Variants in ADRA1B observed in about 807,000 individuals in gnomAD.
ADRA1B encodes adrenoceptor alpha 1B.
ADRA1B carries 17 observed loss-of-function variants against 17.9 expected under a neutral mutation model. The ratio of observed to expected loss-of-function variants is 0.95; its 90% CI spans 0.65 to 1.42. ADRA1B has a LOEUF of 1.42. Among genes scored for constraint, ADRA1B ranks in the 40% most tolerant of loss-of-function variants. The pLI, the probability that ADRA1B is intolerant of heterozygous loss-of-function variation, is 0.00. For missense variants in ADRA1B, 681 were observed against 722.1 expected (o/e 0.94, Z 0.65); for synonymous variants, 366 against 327.6 (o/e 1.12, Z -1.27).
At chr5:159,880,934 A>G (rs950979018) in intron 1 of ADRA1B, among the ~76,000 whole-genome samples, 2 of 152,224 alleles carry the variant, frequency 1.3e-5, no homozygotes, top group Non-Finnish European at 2.9e-5. Flanking sequence ...GAAGAGATAC[A>G]TGAGCTCTTT....
intron 1 of ADRA1B, chr5:159,868,701 A>G (rs2113064545): frequency 6.6e-6 from 1 of 152,326 alleles, no homozygotes; most frequent in East Asian, 1.9e-4. Context: ...CTGAAAGATC[A>G]TTTAGACCAA....
intron 1 of ADRA1B, among the ~76,000 whole-genome samples, chr5:159,951,834 A>G (rs146884107): frequency 6.6e-6 from 1 of 152,148 alleles, no homozygotes; most frequent in Non-Finnish European, 1.5e-5. Flanking sequence ...TATATTTTCC[A>G]TCCTTTGAAA....
At chr5:159,979,180 G>C in the ADRA1B span, among the ~76,000 whole-genome samples, 2 of 152,030 alleles carry the variant, frequency 1.3e-5, no homozygotes, top group African/African-American at 4.8e-5. Flanking sequence ...AATTAATTTA[G>C]AAAAACCTTA....
At chr5:159,865,191 T>A (rs577425087) in exon 1 of ADRA1B, 1 of 152,180 alleles carries the variant, frequency 6.6e-6, no homozygotes, top group Non-Finnish European at 1.5e-5. Flanking sequence ...CACTTTGGAA[T>A]GAAGGAGCAC....
chr5:159,984,875 A>G, the ADRA1B span, among the ~76,000 whole-genome samples: 1 of 151,332 alleles, frequency 6.6e-6, no homozygotes, highest in Non-Finnish European at 1.5e-5. Flanking sequence ...ACATCACTCC[A>G]GCCTAGGCAA....
intron 1 of ADRA1B, among the ~76,000 whole-genome samples, chr5:159,964,763 C>T (rs554278904): frequency 1.3e-5 from 2 of 152,304 alleles, no homozygotes; most frequent in South Asian, 4.1e-4. Context: ...GTCTCAATGC[C>T]CACACAGCAC....
At chr5:159,961,591 T>G (rs904818145) in intron 1 of ADRA1B, among the ~76,000 whole-genome samples, 2 of 152,224 alleles carry the variant, frequency 1.3e-5, no homozygotes, top group African/African-American at 4.8e-5. Flanking sequence ...CCAAATTGTT[T>G]CAGCTGAGGA....
intron 1 of ADRA1B, among the ~76,000 whole-genome samples, chr5:159,965,294 C>T (rs1005112733): frequency 1.3e-5 from 2 of 152,150 alleles, no homozygotes. Flanking sequence ...CAAGGAGCAT[C>T]AGGAACATTC....
intron 1 of ADRA1B, among the ~76,000 whole-genome samples, chr5:159,923,758 T>C (rs948355701): frequency 2.4e-4 from 37 of 152,254 alleles, no homozygotes; most frequent in African/African-American, 8.9e-4. Flanking sequence ...AAAGAATAGA[T>C]CCTTGGACCC....
chr5:159,877,804 G>T (rs1753818605), intron 1 of ADRA1B, among the ~76,000 whole-genome samples: 1 of 152,200 alleles, frequency 6.6e-6, no homozygotes, highest in Non-Finnish European at 1.5e-5. Flanking sequence ...AACGACAGAG[G>T]CAGGCTTTAA....
At chr5:159,968,438 T>G (rs899834935) in intron 1 of ADRA1B, among the ~76,000 whole-genome samples, 1 of 152,200 alleles carries the variant, frequency 6.6e-6, no homozygotes, top group Non-Finnish European at 1.5e-5. Context: ...CACAACCACC[T>G]TCAATGGGGT....
At chr5:159,921,901 C>T (rs892536617) in intron 1 of ADRA1B, among the ~76,000 whole-genome samples, 1 of 152,214 alleles carries the variant, frequency 6.6e-6, no homozygotes, top group Non-Finnish European at 1.5e-5. Flanking sequence ...TCTTCCAGCT[C>T]TGAGATTTCA....
chr5:159,980,101 T>G, the ADRA1B span, among the ~76,000 whole-genome samples: 2 of 151,132 alleles, frequency 1.3e-5, no homozygotes, highest in Admixed American at 1.3e-4. Flanking sequence ...AAGAGAAAGG[T>G]GGAAGGAGGG....
At chr5:159,950,786 T>G (rs1238275382) in intron 1 of ADRA1B, 5 of 604,802 alleles carry the variant, frequency 8.3e-6, no homozygotes, top group Non-Finnish European at 1.2e-5. Context: ...ACTGACACGT[T>G]GGTGATGTGG....
At chr5:159,901,942 C>T (rs1754105037) in intron 1 of ADRA1B, among the ~76,000 whole-genome samples, 1 of 152,152 alleles carries the variant, frequency 6.6e-6, no homozygotes, top group Non-Finnish European at 1.5e-5. Flanking sequence ...TACTATAAAG[C>T]TTCCACAAAA....
chr5:159,943,572 T>C lies in ADRA1B; in HGVS notation c.949+25718T>C, dbSNP rs1209135480. On this transcript the variant is annotated intron_variant, in intron 1 of 1. Coordinates refer to ENST00000306675, the MANE Select transcript of ADRA1B (RefSeq NM_000679.4). ...CCACCCTGTGTAACCCGTCAGCATC[T>C]CTCCCTAACCAGATCTATCTAGGTA... is the stretch of plus-strand genomic sequence containing the variant. 2.0e-5 allele frequency among the ~76,000 whole-genome samples: 3 copies of C among 152,144 alleles called. No individual in the cohort carries two copies. The East Asian group carries it at 5.8e-4, about 30-fold the overall frequency.
intron 1 of ADRA1B, among the ~76,000 whole-genome samples, chr5:159,936,985 C>T (rs914071449): frequency 6.6e-6 from 1 of 152,146 alleles, no homozygotes; most frequent in Non-Finnish European, 1.5e-5. Context: ...TGACATCACC[C>T]AGAAACTTGT....
chr5:159,987,676 A>G, the ADRA1B span, among the ~76,000 whole-genome samples: 12 of 152,198 alleles, frequency 7.9e-5, no homozygotes, highest in Non-Finnish European at 1.6e-4. Context: ...CTAGAATTCT[A>G]GGTTAGGAAT....
chr5:159,940,739 C>T (rs1017204904), intron 1 of ADRA1B, among the ~76,000 whole-genome samples: 9 of 152,144 alleles, frequency 5.9e-5, no homozygotes, highest in Non-Finnish European at 1.0e-4. Context: ...CACACACACT[C>T]CCCCTCAAGA....
Sources: allele counts gnomAD v4.1 joint callset (sites outside exome capture counted in the v4.1 genomes callset), GRCh38; gene constraint gnomAD v4.1.1; transcripts MANE v1.5; gene names NCBI Gene and HGNC (gene_info 2026-07-23, HGNC 2026-07-21).